The following PAX5 variants were observed in gnomAD, a reference collection of about 807,000 sequenced individuals.
PAX5 encodes the protein paired box 5.
Under a neutral mutation model 43.7 loss-of-function variants are expected in PAX5, and 9 were observed. The observed-to-expected ratio is 0.21, with a 90% CI of 0.12 to 0.36. The LOEUF (loss-of-function observed/expected upper bound fraction) is 0.36, where lower values mean the gene tolerates loss of function less well. Ranked by LOEUF, PAX5 falls within the 10% of genes least tolerant of loss-of-function variation. PAX5 has a pLI of 1.00. For missense variants in PAX5, 383 were observed against 532.7 expected, an observed-to-expected ratio of 0.72 and a Z score of 2.77; for synonymous variants, 228 against 214.3, an observed-to-expected ratio of 1.06 and a Z score of -0.56.
At chr9:36,883,098 G>A (rs1296267957) in intron 7 of PAX5, among the ~76,000 whole-genome samples, 1 of 152,146 alleles carries the variant, frequency 6.6e-6, no homozygotes, top group Non-Finnish European at 1.5e-5. Flanking sequence ...GATCGTGAGA[G>A]GGGAGGGAAC....
intron 6 of PAX5, among the ~76,000 whole-genome samples, chr9:36,945,372 G>T (rs531929880): frequency 6.6e-6 from 1 of 152,268 alleles, no homozygotes; most frequent in Non-Finnish European, 1.5e-5. Context: ...CTCCCTAGTA[G>T]CTGGGACTAC....
chr9:36,849,840 G>A (rs1822977650), intron 8 of PAX5, among the ~76,000 whole-genome samples: 1 of 152,228 alleles, frequency 6.6e-6, no homozygotes, highest in Non-Finnish European at 1.5e-5. Context: ...GTTTGACCAT[G>A]TACGGGTCGT....
intron 8 of PAX5, among the ~76,000 whole-genome samples, chr9:36,860,216 A>T (rs1458917204): frequency 6.6e-6 from 1 of 152,044 alleles, no homozygotes; most frequent in Non-Finnish European, 1.5e-5. Context: ...ACATGCCTGT[A>T]ATCCCAGCTA....
chr9:36,862,005 G>C (rs1418825373), intron 8 of PAX5, among the ~76,000 whole-genome samples: 1 of 152,150 alleles, frequency 6.6e-6, no homozygotes, highest in Non-Finnish European at 1.5e-5. Context: ...ACTGGGAAGG[G>C]CCAGGCCATG....
chr9:36,920,810 T>C (rs1166256752), intron 7 of PAX5, among the ~76,000 whole-genome samples: 2 of 144,360 alleles, frequency 1.4e-5, no homozygotes, highest in South Asian at 2.3e-4. Context: ...TAGCTTTTTT[T>C]TTTTTTTTTT....
At chr9:36,984,368 G>T (rs1285940280) in intron 5 of PAX5, among the ~76,000 whole-genome samples, 1 of 151,542 alleles carries the variant, frequency 6.6e-6, no homozygotes, top group Non-Finnish European at 1.5e-5. Context: ...AAAACAGAGT[G>T]CTTGGGTTTG....
Position 36,922,140 on chromosome 9 carries a change from G to T in PAX5, c.910+1215C>A, listed in dbSNP as rs558394218. Among the ~76,000 whole-genome samples the T allele has an allele frequency of 2.0e-5, 3 of 152,286 alleles. No homozygotes were observed. The East Asian group carries it at 5.8e-4, about 29-fold the overall frequency. On this transcript the variant is annotated intron_variant, in intron 7 of 9. Coordinates refer to ENST00000358127, the MANE Select transcript of PAX5 (RefSeq NM_016734.3). Reference sequence around the variant, plus strand: ...GCCCCTCTCTTCTGCCTGAGCCTCAGTGCTGACCCTTCAGCCCAGGTCTCG... The same window carrying T: ...GCCCCTCTCTTCTGCCTGAGCCTCATTGCTGACCCTTCAGCCCAGGTCTCG...
intron 6 of PAX5, among the ~76,000 whole-genome samples, chr9:36,925,778 G>A (rs1292543382): frequency 6.6e-6 from 1 of 152,154 alleles, no homozygotes; most frequent in African/African-American, 2.4e-5. Flanking sequence ...TTCTGGCCTG[G>A]GATGCTCACG....
chr9:36,912,578 C>T (rs1829388667), intron 7 of PAX5, among the ~76,000 whole-genome samples: 1 of 152,202 alleles, frequency 6.6e-6, no homozygotes. Flanking sequence ...CCTGGGGGAG[C>T]TAGAACTGGG....
intron 3 of PAX5, chr9:37,007,567 T>A (rs1300435863): frequency 2.0e-5 from 3 of 152,214 alleles, no homozygotes; most frequent in Non-Finnish European, 4.4e-5. Flanking sequence ...CCTTCGGATC[T>A]ACCAGAAAGC....
intron 6 of PAX5, among the ~76,000 whole-genome samples, chr9:36,943,962 G>A (rs188681360): frequency 6.6e-6 from 1 of 152,220 alleles, no homozygotes; most frequent in Non-Finnish European, 1.5e-5. Flanking sequence ...GAGGCAGGAG[G>A]ATCACTGGAG....
Position 37,020,844 on chromosome 9 carries a change from G to A in PAX5, c.47-43C>T, listed in dbSNP as rs745724065. On this transcript the variant is annotated intron_variant, in intron 1 of 9. Coordinates refer to ENST00000358127, the MANE Select transcript of PAX5 (RefSeq NM_016734.3). Reference sequence around the variant, plus strand: ...CAAAAGGAAAGGGAAAGGGTAGTTAGAACCAGTCACATAGGAGAAGCACCG... The same window carrying A: ...CAAAAGGAAAGGGAAAGGGTAGTTAAAACCAGTCACATAGGAGAAGCACCG... 93 of 1,604,492 alleles carry A rather than the reference G, an allele frequency of 5.8e-5. 2 individuals carry two copies. The highest frequency in any genetic ancestry group is 5.1e-6 in the Non-Finnish European group (6 of 1,172,576).
chr9:36,904,511 C>T (rs1453827155), intron 7 of PAX5, among the ~76,000 whole-genome samples: 1 of 151,910 alleles, frequency 6.6e-6, no homozygotes, highest in Non-Finnish European at 1.5e-5. Context: ...TAGATGATCT[C>T]AGGGTGGGAG....
At chr9:36,847,388 A>C (rs6476586) in intron 8 of PAX5, among the ~76,000 whole-genome samples, 144,069 of 152,094 alleles carry the variant, frequency 0.95, 68,715 homozygotes, top group East Asian at 1. Context: ...CCACCTGCTG[A>C]TGAGTGGCTC....
In PAX5 at chr9:36,846,887, G is replaced by C. The variant is rs1189704175; in HGVS notation, c.1055C>G (p.Ser352Cys). The change falls in exon 9 of 10, where the codon TCC becomes TGC. Residue 352 changes from serine (S) to cysteine (C), a missense_variant. Physicochemically the swap from Ser to Cys is moderately radical, Grantham distance 112. Transcript: ENST00000358127. Reference protein sequence around the residue: ...SGSPYSHPQYSSYNDSWRFPN... With the variant: ...SGSPYSHPQYCSYNDSWRFPN... ...GAACCTCCAGGAGTCGTTGTACGAG[G>C]AATACTGAGGGTGGCTGTAGGGACT... 1.2e-6 allele frequency: 2 copies of C among 1,613,990 alleles called. No homozygotes were observed. Among genetic ancestry groups the C allele is most frequent in the Non-Finnish European group, 1.7e-6 (2 of 1,179,942 alleles).
intron 1 of PAX5, among the ~76,000 whole-genome samples, chr9:37,033,028 CA>C (rs1233692239): frequency 6.6e-6 from 1 of 152,258 alleles, no homozygotes; most frequent in East Asian, 1.9e-4. Flanking sequence ...CACACAAATA[CA>C]CACGCCAGTG....
At chr9:36,845,523 A>T (rs1822479785) in intron 9 of PAX5, among the ~76,000 whole-genome samples, 1 of 152,216 alleles carries the variant, frequency 6.6e-6, no homozygotes, top group Non-Finnish European at 1.5e-5. Flanking sequence ...CACAGATAAT[A>T]AGAAGCTAGG....
At chr9:36,930,594 A>G (rs1831047218) in intron 6 of PAX5, among the ~76,000 whole-genome samples, 1 of 152,174 alleles carries the variant, frequency 6.6e-6, no homozygotes, top group Non-Finnish European at 1.5e-5. Flanking sequence ...CTGAACTAGG[A>G]GTGATAACAC....
intron 6 of PAX5, among the ~76,000 whole-genome samples, chr9:36,953,890 T>G (rs996674283): frequency 1.3e-5 from 2 of 152,072 alleles, no homozygotes; most frequent in Non-Finnish European, 2.9e-5. Context: ...CTGGGCAACA[T>G]GGTGAAACCT....
Sources: allele counts gnomAD v4.1 joint callset (sites outside exome capture counted in the v4.1 genomes callset), GRCh38; gene constraint gnomAD v4.1.1; transcripts MANE v1.5; gene names NCBI Gene and HGNC (gene_info 2026-07-23, HGNC 2026-07-21).